Variants in CPA6 observed in about 807,000 individuals in gnomAD.
CPA6 encodes the protein carboxypeptidase B.
A neutral mutation model predicts 63.3 loss-of-function variants in CPA6; 58 were observed. That is an observed-to-expected ratio of 0.92 (90% confidence interval 0.74 to 1.14). CPA6 has a LOEUF of 1.14. Ranked by LOEUF, CPA6 falls within the 50% of genes most tolerant of loss-of-function variation. The pLI, the probability that CPA6 is intolerant of heterozygous loss-of-function variation, is 0.00. For missense variants in CPA6, 565 were observed against 526.6 expected (o/e 1.07, Z -0.71); for synonymous variants, 185 against 179.0 (o/e 1.03, Z -0.27).
intron 1 of CPA6, among the ~76,000 whole-genome samples, chr8:67,625,441 G>C (rs551020346): frequency 2.0e-5 from 3 of 152,162 alleles, no homozygotes; most frequent in African/African-American, 7.2e-5. Context: ...TTCTCTTTGG[G>C]GGCCTTGTCT....
chr8:67,664,613 T>C (rs1210830545), intron 1 of CPA6, among the ~76,000 whole-genome samples: 1 of 152,146 alleles, frequency 6.6e-6, no homozygotes, highest in African/African-American at 2.4e-5. Context: ...TTTTTTCTTT[T>C]TCTTTTAACC....
chr8:67,725,531 C>T (rs1420571532), intron 1 of CPA6, among the ~76,000 whole-genome samples: 3 of 152,012 alleles, frequency 2.0e-5, no homozygotes, highest in Non-Finnish European at 4.4e-5. Context: ...TTTTACATTT[C>T]GTTTTTTTAG....
At chr8:67,548,539 T>C (rs950214174) in intron 2 of CPA6, among the ~76,000 whole-genome samples, 3 of 152,090 alleles carry the variant, frequency 2.0e-5, no homozygotes, top group Non-Finnish European at 4.4e-5. Context: ...CATGAGCCAC[T>C]GTGCCCAGTA....
intron 10 of CPA6, among the ~76,000 whole-genome samples, chr8:67,423,482 G>A (rs905185246): frequency 1.5e-4 from 23 of 152,180 alleles, no homozygotes; most frequent in Admixed American, 3.9e-4. Context: ...AGATTCCTCC[G>A]TTTTCTGGTA....
At chr8:67,628,603 C>T (rs544641169) in intron 1 of CPA6, among the ~76,000 whole-genome samples, 4 of 152,344 alleles carry the variant, frequency 2.6e-5, no homozygotes, top group South Asian at 2.1e-4. Flanking sequence ...CATTAATACA[C>T]GTACACGCAG....
At chr8:67,451,255 A>G (rs1013390603) in intron 8 of CPA6, among the ~76,000 whole-genome samples, 1 of 152,224 alleles carries the variant, frequency 6.6e-6, no homozygotes, top group Non-Finnish European at 1.5e-5. Flanking sequence ...CTGTATTTAT[A>G]GCTGCTTCCC....
chr8:67,732,200 T>C (rs565698038), intron 1 of CPA6, among the ~76,000 whole-genome samples: 6 of 152,198 alleles, frequency 3.9e-5, no homozygotes, highest in African/African-American at 1.4e-4. Flanking sequence ...AGCAGGAGAG[T>C]GGGAATATCG....
At chr8:67,634,246 G>A (rs183197749) in intron 1 of CPA6, among the ~76,000 whole-genome samples, 3,072 of 146,322 alleles carry the variant, frequency 0.021, 69 homozygotes, top group South Asian at 0.08. Flanking sequence ...TTGAGACGGA[G>A]TCTCGCTCTG....
intron 6 of CPA6, among the ~76,000 whole-genome samples, chr8:67,485,259 T>C (rs761822072): frequency 6.6e-6 from 1 of 152,192 alleles, no homozygotes; most frequent in Non-Finnish European, 1.5e-5. Flanking sequence ...TGAGACTCTA[T>C]TCTTTTCTCC....
intron 2 of CPA6, among the ~76,000 whole-genome samples, chr8:67,587,525 T>C (rs748391344): frequency 6.6e-6 from 1 of 151,742 alleles, no homozygotes; most frequent in South Asian, 2.1e-4. Flanking sequence ...GGACGATTGA[T>C]GTGAGGGGGC....
intron 8 of CPA6, among the ~76,000 whole-genome samples, chr8:67,469,100 A>G (rs1357896146): frequency 1.3e-5 from 2 of 152,096 alleles, no homozygotes; most frequent in African/African-American, 4.8e-5. Flanking sequence ...ATTTATATCT[A>G]TCTATTTCTA....
At chr8:67,489,498 T>C (rs1164913066) in intron 6 of CPA6, among the ~76,000 whole-genome samples, 1 of 127,740 alleles carries the variant, frequency 7.8e-6, no homozygotes, top group African/African-American at 3.6e-5. Flanking sequence ...TCTAAATATG[T>C]GTTAATCATT....
At chr8:67,515,482 C>T (rs891614153) in intron 3 of CPA6, among the ~76,000 whole-genome samples, 1 of 152,164 alleles carries the variant, frequency 6.6e-6, no homozygotes, top group Non-Finnish European at 1.5e-5. Context: ...GCTTTCTATT[C>T]CCATCTCCCT....
At chr8:67,602,909 A>C (rs1814532804) in intron 2 of CPA6, among the ~76,000 whole-genome samples, 1 of 152,160 alleles carries the variant, frequency 6.6e-6, no homozygotes, top group Non-Finnish European at 1.5e-5. Context: ...AATAATTTGG[A>C]ACCCCTTGAT....
In CPA6 at chr8:67,472,369, TTTATTTTTTTATTTTA is replaced by T. The variant is rs199990373; in HGVS notation, c.838+11383_838+11398del. The stretch of plus-strand genomic sequence containing the variant: ...TGAAAACTAAGTTATTTGTAAAAGA[TTTATTTTTTTATTTTA>T]TTTTATTTTATTTTATTTTATCTTA... On this transcript the variant is annotated intron_variant, in intron 8 of 10. Coordinates refer to ENST00000297770, the MANE Select transcript of CPA6 (RefSeq NM_020361.5). Among the ~76,000 whole-genome samples, 7 of 65,428 alleles carry T rather than the reference TTTATTTTTTTATTTTA, an allele frequency of 1.1e-4. No individual in the cohort carries two copies. The South Asian group carries it at 3.1e-3, about 29-fold the overall frequency. 42.9% of individuals were successfully genotyped at this position (65,428 alleles called of 152,430 possible). A position where few individuals can be genotyped will look rare whatever the true frequency, so the allele number is the denominator to read the frequency against.
chr8:67,670,430 A>G (rs981193421), intron 1 of CPA6, among the ~76,000 whole-genome samples: 2 of 152,176 alleles, frequency 1.3e-5, no homozygotes, highest in African/African-American at 4.8e-5. Context: ...AATCACCTCT[A>G]ACTCTGGGGG....
At chr8:67,428,913 T>G (rs1809956876) in intron 9 of CPA6, among the ~76,000 whole-genome samples, 1 of 152,226 alleles carries the variant, frequency 6.6e-6, no homozygotes, top group African/African-American at 2.4e-5. Flanking sequence ...ATTTCTTACA[T>G]GAATGTTGAA....
intron 6 of CPA6, among the ~76,000 whole-genome samples, chr8:67,492,695 G>A (rs1056147044): frequency 2.0e-5 from 3 of 152,202 alleles, no homozygotes; most frequent in Middle Eastern, 3.4e-3. Flanking sequence ...TTCAGCTTGC[G>A]TCGCCACTTT....
chr8:67,684,434 G>A (rs76559085), intron 1 of CPA6, among the ~76,000 whole-genome samples: 1 of 152,072 alleles, frequency 6.6e-6, no homozygotes, highest in African/African-American at 2.4e-5. Context: ...GCTTCGAGGT[G>A]ATGGGGTGTA....
Sources: gnomAD v4.1 joint callset for allele counts (sites outside exome capture counted in the v4.1 genomes callset) on GRCh38, gnomAD v4.1.1 for gene constraint, MANE v1.5 for transcripts, NCBI Gene and HGNC (gene_info 2026-07-23, HGNC 2026-07-21) for gene names.